Variants in IP6K2 observed in about 807,000 individuals in gnomAD.
IP6K2 encodes inositol hexakisphosphate kinase 2.
A neutral mutation model predicts 43.3 loss-of-function variants in IP6K2; 9 were observed. That is an observed-to-expected ratio of 0.21 (90% CI 0.13 to 0.36). The LOEUF is 0.36. Among genes scored for constraint, IP6K2 ranks in the 10% least tolerant of loss-of-function variants. The pLI is 1.00. For synonymous variants in IP6K2, 209 were observed against 202.4 expected (o/e 1.03, Z -0.28); for missense variants, 332 against 538.4 (o/e 0.62, Z 3.79).
Position 48,688,814 on chromosome 3 carries a change from C to A in IP6K2, c.781-41G>T. 1.3e-6 allele frequency: 2 copies of A among 1,562,850 alleles called. No homozygotes were observed. The highest frequency in any genetic ancestry group is 1.7e-6 in the Non-Finnish European group (2 of 1,154,098). ...CAGCAAGTCAGGGGCTGAGGGCCAT[C>A]TCAAACCCTGGACCCCGGGCGGGGG... is the stretch of plus-strand genomic sequence containing the variant. On this transcript the variant is annotated intron_variant, in intron 5 of 5. Coordinates refer to ENST00000328631, the MANE Select transcript of IP6K2 (RefSeq NM_016291.4). This position sits in a 1 kb window ranked among gnomAD's most constrained non-coding sequence, Gnocchi z 5.1.
chr3:48,709,379 A>T (rs1420671198), intron 1 of IP6K2, among the ~76,000 whole-genome samples: 1 of 152,154 alleles, frequency 6.6e-6, no homozygotes, highest in African/African-American at 2.4e-5. Flanking sequence ...TCCTTTCAAC[A>T]TCTCGCTTAG....
intron 1 of IP6K2, among the ~76,000 whole-genome samples, chr3:48,712,587 G>A (rs766348048): frequency 6.6e-6 from 1 of 152,060 alleles, no homozygotes; most frequent in Non-Finnish European, 1.5e-5. Context: ...AGTGACATGT[G>A]CCTGTAGCCC....
intron 1 of IP6K2, among the ~76,000 whole-genome samples, chr3:48,705,178 C>T (rs964720465): frequency 6.0e-5 from 9 of 151,044 alleles, no homozygotes; most frequent in Admixed American, 1.3e-4. Flanking sequence ...CTCTTGACCT[C>T]GTGATCCGCT....
rs1016506375 is a variant in IP6K2 at position 48,695,931 on chromosome 3, C to T, written c.-130-510G>A. Among the ~76,000 whole-genome samples the T allele has an allele frequency of 9.3e-5, 14 of 150,042 alleles. No individual in the cohort carries two copies. The highest frequency in any genetic ancestry group is 8.4e-4 in the South Asian group (4 of 4,774). On this transcript the variant is annotated intron_variant, in intron 1 of 5. Transcript: ENST00000328631. This position sits in a 1 kb window ranked among gnomAD's most constrained non-coding sequence, Gnocchi z 4.6. ...GATGGAGTCTCACTCTATCGCCAGG[C>T]GGGAGTGCAGTGGCACAATCTCGAC...
chr3:48,689,217 A>T (rs1559504246), intron 5 of IP6K2, among the ~76,000 whole-genome samples: 1 of 152,168 alleles, frequency 6.6e-6, no homozygotes. Flanking sequence ...CAATGGCGTG[A>T]TCTCAGCTCA....
chr3:48,694,846 A>C, intron 2 of IP6K2: 2 of 1,537,008 alleles, frequency 1.3e-6, no homozygotes, highest in Non-Finnish European at 1.7e-6. Context: ...ACACAACTAC[A>C]CTTCTACCAA....
In IP6K2 at chr3:48,695,478, G is replaced by C; in HGVS notation, c.-130-57C>G. On this transcript the variant is annotated intron_variant, in intron 1 of 5. Coordinates refer to ENST00000328631, the MANE Select transcript of IP6K2 (RefSeq NM_016291.4). This position sits in a 1 kb window ranked among gnomAD's most constrained non-coding sequence, Gnocchi z 4.6. ...TCGAAGTAGCGTGGGAAGTGCCTTA[G>C]AGCTGCTCACCCTGCTCCTTCAGCA... 1.5e-6 allele frequency: 2 copies of C among 1,349,006 alleles called. No homozygotes were observed. The highest frequency in any genetic ancestry group is 1.9e-6 in the Non-Finnish European group (2 of 1,048,136). 83.6% of individuals were successfully genotyped at this position (1,349,006 alleles called of 1,614,324 possible).
At chr3:48,702,892 A>T (rs936634956) in intron 1 of IP6K2, among the ~76,000 whole-genome samples, 1 of 152,138 alleles carries the variant, frequency 6.6e-6, no homozygotes, top group Non-Finnish European at 1.5e-5. Context: ...TCAAATCACT[A>T]CTGTGTCATG....
At chr3:48,690,598 G>C (rs1311082456) in intron 4 of IP6K2, among the ~76,000 whole-genome samples, 1 of 150,910 alleles carries the variant, frequency 6.6e-6, no homozygotes, top group Non-Finnish European at 1.5e-5. Flanking sequence ...GGATCAGCCT[G>C]GCCAACATGG....
chr3:48,705,603 T>G (rs1304168970), intron 1 of IP6K2, among the ~76,000 whole-genome samples: 1 of 150,618 alleles, frequency 6.6e-6, no homozygotes, highest in Admixed American at 6.6e-5. Flanking sequence ...CTGTGAGGTA[T>G]GATCATGCCA....
At chr3:48,693,646 G>C in intron 2 of IP6K2, 1 of 1,108,914 alleles carries the variant, frequency 9.0e-7, no homozygotes, top group Non-Finnish European at 1.1e-6. Flanking sequence ...GCATCCAAGA[G>C]TAAGGGAAGA....
intron 1 of IP6K2, among the ~76,000 whole-genome samples, chr3:48,711,624 C>T (rs563210201): frequency 6.6e-6 from 1 of 152,228 alleles, no homozygotes; most frequent in African/African-American, 2.4e-5. Flanking sequence ...CCTTTTACTG[C>T]CTTACAGGTA....
At chr3:48,712,395 AC>A (rs1183297995) in intron 1 of IP6K2, among the ~76,000 whole-genome samples, 1 of 151,306 alleles carries the variant, frequency 6.6e-6, no homozygotes, top group African/African-American at 2.4e-5. Context: ...GGCACCCACC[AC>A]CACACCCGGC....
chr3:48,714,882 G>A (rs2081023754), intron 1 of IP6K2, among the ~76,000 whole-genome samples: 1 of 150,202 alleles, frequency 6.7e-6, no homozygotes, highest in Admixed American at 6.6e-5. Context: ...GGGCAGTGAT[G>A]GGGATAGGCA....
At position 48,712,787 on chromosome 3, in the gene IP6K2, T is replaced by G. The variant is rs369616640; in HGVS notation, c.-131+4370A>C. Among the ~76,000 whole-genome samples, 18 of 151,318 alleles carry G rather than the reference T, an allele frequency of 1.2e-4. No individual in the cohort carries two copies. In the East Asian group the frequency reaches 2.6e-3, roughly 22 times the overall value. On this transcript the variant is annotated intron_variant, in intron 1 of 5. Coordinates refer to ENST00000328631, the MANE Select transcript of IP6K2 (RefSeq NM_016291.4). ...ATCCCAGCACTTTGGAAGGCCAGAG[T>G]GGGCGGATCACTTGAGGTCAGGAGT...
intron 1 of IP6K2, among the ~76,000 whole-genome samples, chr3:48,702,033 T>G (rs191145513): frequency 5.3e-5 from 8 of 152,200 alleles, no homozygotes; most frequent in African/African-American, 1.9e-4. Flanking sequence ...GAATCACTCA[T>G]GCTAAGGTCA....
intron 1 of IP6K2, among the ~76,000 whole-genome samples, chr3:48,698,619 C>T (rs886410871): frequency 1.3e-5 from 2 of 152,126 alleles, no homozygotes; most frequent in Admixed American, 1.3e-4. Flanking sequence ...TATAGGCGCA[C>T]GCCACCACGC....
At chr3:48,696,920 A>G (rs1486339970) in intron 1 of IP6K2, among the ~76,000 whole-genome samples, 1 of 152,118 alleles carries the variant, frequency 6.6e-6, no homozygotes, top group African/African-American at 2.4e-5. Context: ...TGGTTAGGAA[A>G]TTCACCCAGG....
intron 2 of IP6K2, chr3:48,694,210 G>A (rs1308830716): frequency 1.3e-6 from 2 of 1,551,440 alleles, no homozygotes; most frequent in Non-Finnish European, 8.7e-7. Context: ...GGGCAGGGAT[G>A]GCCAGCTAAC....
Sources: allele counts gnomAD v4.1 joint callset (sites outside exome capture counted in the v4.1 genomes callset), GRCh38; gene constraint gnomAD v4.1.1; non-coding constraint Gnocchi (gnomAD v3.1); transcripts MANE v1.5; gene names NCBI Gene and HGNC (gene_info 2026-07-23, HGNC 2026-07-21).